The following TAF3 variants were observed in gnomAD, a reference collection of about 807,000 sequenced individuals.
TAF3 encodes the protein transcription initiation factor TFIID subunit 3.
Under a neutral mutation model 80.6 loss-of-function variants are expected in TAF3, and 7 were observed. The observed-to-expected ratio is 0.09, with a 90% confidence interval of 0.05 to 0.16. TAF3 has a LOEUF of 0.16. Among genes scored for constraint, TAF3 ranks in the 10% least tolerant of loss-of-function variants. The pLI, the probability that TAF3 is intolerant of heterozygous loss-of-function variation, is 1.00. For missense variants in TAF3, 921 were observed against 1,140.2 expected (o/e 0.81, Z 2.77); for synonymous variants, 444 against 446.1 (o/e 1.00, Z 0.06).
intron 2 of TAF3, among the ~76,000 whole-genome samples, chr10:7,961,398 G>C (rs1367122485): frequency 1.3e-5 from 2 of 152,168 alleles, no homozygotes; most frequent in Non-Finnish European, 2.9e-5. Context: ...CATCCTTCAT[G>C]CTTTTGCAGC....
At chr10:7,962,508 T>G (rs775792138) in intron 2 of TAF3, among the ~76,000 whole-genome samples, 1 of 152,228 alleles carries the variant, frequency 6.6e-6, no homozygotes, top group Non-Finnish European at 1.5e-5. Flanking sequence ...AGTCCTAGGA[T>G]CTGGATGCAA....
At position 7,858,989 on chromosome 10, in the gene TAF3, G is replaced by A. The variant is rs535380038; in HGVS notation, c.409+34429G>A. Among the ~76,000 whole-genome samples, 234 of 152,276 alleles carry A rather than the reference G, an allele frequency of 1.5e-3. 1 individual carries two copies. In the Middle Eastern group the frequency reaches 0.017, roughly 11 times the overall value. The stretch of plus-strand genomic sequence containing the variant: ...TTTCTAGAACACCTTATTGAAAAGT[G>A]TGGTGGCTCACGCCTGTAATCCCAG... On this transcript the variant is annotated intron_variant, in intron 2 of 6. Coordinates refer to ENST00000344293, the MANE Select transcript of TAF3 (RefSeq NM_031923.4).
chr10:7,881,659 T>C (rs530483352), intron 2 of TAF3, among the ~76,000 whole-genome samples: 1 of 152,228 alleles, frequency 6.6e-6, no homozygotes, highest in African/African-American at 2.4e-5. Context: ...AGAGTAACAA[T>C]CATGCATTTA....
rs938981955 is a variant in TAF3, at chr10:8,003,239, G to GT, written c.2316-5829dup. 2.8e-3 allele frequency among the ~76,000 whole-genome samples: 413 copies of GT among 146,328 alleles called. 2 individuals carry two copies. Among genetic ancestry groups the GT allele is most frequent in the African/African-American group, 9.0e-3 (360 of 39,956 alleles). On this transcript the variant is annotated intron_variant, in intron 4 of 6. Coordinates refer to ENST00000344293, the MANE Select transcript of TAF3 (RefSeq NM_031923.4). The stretch of plus-strand genomic sequence containing the variant: ...CTCTCTTTTCTTTTATCAGACCAAG[G>GT]TTTTTTTTTTATCGTTCCTTTTTTC...
intron 2 of TAF3, among the ~76,000 whole-genome samples, chr10:7,910,325 C>T (rs1837645792): frequency 6.7e-6 from 1 of 148,858 alleles, no homozygotes; most frequent in South Asian, 2.2e-4. Context: ...CTACAACATA[C>T]AAACATCTAA....
intron 2 of TAF3, among the ~76,000 whole-genome samples, chr10:7,953,846 G>A (rs150846208): frequency 2.2e-4 from 33 of 151,204 alleles, no homozygotes; most frequent in Non-Finnish European, 4.1e-4. Flanking sequence ...GCACGCCATA[G>A]GCAAATGAGT....
intron 2 of TAF3, among the ~76,000 whole-genome samples, chr10:7,934,870 T>C (rs1426236216): frequency 6.6e-6 from 1 of 152,226 alleles, no homozygotes; most frequent in Non-Finnish European, 1.5e-5. Context: ...GCCCCTCCCA[T>C]GCGGCAGGCA....
At chr10:7,902,448 C>A (rs1837567369) in intron 2 of TAF3, among the ~76,000 whole-genome samples, 3 of 151,954 alleles carry the variant, frequency 2.0e-5, no homozygotes, top group African/African-American at 7.3e-5. Flanking sequence ...AAAAAAGAAT[C>A]TTTTCTTAGG....
chr10:7,862,600 A>G (rs1837158833), intron 2 of TAF3, among the ~76,000 whole-genome samples: 2 of 152,214 alleles, frequency 1.3e-5, no homozygotes, highest in South Asian at 4.1e-4. Flanking sequence ...TTGTGAAAGC[A>G]TTGTCACAGT....
chr10:7,957,926 A>G (rs555780159), intron 2 of TAF3, among the ~76,000 whole-genome samples: 71 of 152,222 alleles, frequency 4.7e-4, no homozygotes, highest in Non-Finnish European at 8.2e-4. Flanking sequence ...TTGCAATAAC[A>G]TATCAAGATT....
chr10:7,983,644 T>C (rs987761730), intron 4 of TAF3, among the ~76,000 whole-genome samples: 11 of 152,168 alleles, frequency 7.2e-5, no homozygotes, highest in Non-Finnish European at 1.6e-4. Context: ...CTACAGAAAC[T>C]GAAACATTTC....
intron 2 of TAF3, among the ~76,000 whole-genome samples, chr10:7,854,400 C>T (rs542096894): frequency 4.6e-5 from 7 of 152,226 alleles, no homozygotes; most frequent in East Asian, 3.9e-4. Context: ...TTATGCGAGC[C>T]GCAGCGAGAT....
rs541475128 is a variant in TAF3, at chr10:7,847,075, A to T, written c.409+22515A>T. On this transcript the variant is annotated intron_variant, in intron 2 of 6. Coordinates refer to ENST00000344293, the MANE Select transcript of TAF3 (RefSeq NM_031923.4). ...CAAGAAAAAAATTGACATGTTTCAC[A>T]GTTATTAAACAAATCAAAATAAATG... 2.0e-5 allele frequency among the ~76,000 whole-genome samples: 3 copies of T among 152,368 alleles called. No homozygotes were observed. In the East Asian group the frequency reaches 5.8e-4, roughly 29 times the overall value.
intron 2 of TAF3, among the ~76,000 whole-genome samples, chr10:7,850,924 C>T (rs995904281): frequency 6.6e-6 from 1 of 152,136 alleles, no homozygotes; most frequent in Middle Eastern, 3.4e-3. Context: ...GTTCTTTCAG[C>T]ACATATTTAT....
At chr10:7,908,308 T>G (rs996339755) in intron 2 of TAF3, among the ~76,000 whole-genome samples, 1 of 152,182 alleles carries the variant, frequency 6.6e-6, no homozygotes, top group Admixed American at 6.5e-5. Flanking sequence ...TTAGCTCAGG[T>G]GACTCTTCCC....
chr10:7,929,974 G>A (rs1243850033), intron 2 of TAF3, among the ~76,000 whole-genome samples: 2 of 152,186 alleles, frequency 1.3e-5, no homozygotes, highest in Non-Finnish European at 2.9e-5. Context: ...GGCCAAGGTG[G>A]AAGGATTGTT....
rs142079307 is a variant in TAF3, at chr10:7,836,674, A to G, written c.409+12114A>G. ...CTAAGCTAGAAACATGAGAATTAGC[A>G]TTGACCTCTTCTCTCATTCTCCTTC... On this transcript the variant is annotated intron_variant, in intron 2 of 6. Transcript: ENST00000344293. 4.2e-3 allele frequency among the ~76,000 whole-genome samples: 634 copies of G among 152,338 alleles called. 5 individuals are homozygous for G. The highest frequency in any genetic ancestry group is 4.5e-3 in the Non-Finnish European group (307 of 68,016).
intron 4 of TAF3, among the ~76,000 whole-genome samples, chr10:7,999,862 T>C: frequency 7.0e-6 from 1 of 143,292 alleles, no homozygotes; most frequent in African/African-American, 2.7e-5. Context: ...TGCACTCAAC[T>C]TAGACGCACT....
chr10:7,842,174 TTG>T lies in TAF3; in HGVS notation c.409+17616_409+17617del, dbSNP rs1491053364. 5.9e-4 allele frequency among the ~76,000 whole-genome samples: 57 copies of T among 95,988 alleles called. 1 individual carries two copies. The highest frequency in any genetic ancestry group is 5.3e-3 in the Middle Eastern group (1 of 190). 63.0% of individuals were successfully genotyped at this position (95,988 alleles called of 152,430 possible). On this transcript the variant is annotated intron_variant, in intron 2 of 6. Transcript: ENST00000344293. ...TTGTTTTTTTTTTTTGTTTTTTTTTTTGTTTTTTTTTTTTTTTGAGACAGAGT... is the reference window on the plus strand; with the variant it reads ...TTGTTTTTTTTTTTTGTTTTTTTTTTTTTTTTTTTTTTTTTGAGACAGAGT...
Sources: allele counts gnomAD v4.1 joint callset (sites outside exome capture counted in the v4.1 genomes callset), GRCh38; gene constraint gnomAD v4.1.1; transcripts MANE v1.5; gene names NCBI Gene and HGNC (gene_info 2026-07-23, HGNC 2026-07-21).